COL22A1: variants seen among roughly 807,000 people sequenced by gnomAD.
COL22A1 encodes the protein collagen type XXII alpha 1 chain.
COL22A1 carries 221 observed loss-of-function variants against 248.9 expected under a neutral mutation model. The observed-to-expected ratio is 0.89, with a 90% confidence interval of 0.80 to 0.99. COL22A1 has a LOEUF of 0.99. Among genes scored for constraint, COL22A1 ranks in the 50% least tolerant of loss-of-function variants. COL22A1 has a pLI of 0.00. For synonymous variants in COL22A1, 891 were observed against 793.4 expected, an observed-to-expected ratio of 1.12 and a Z score of -2.07; for missense variants, 2,240 against 2,179.0, an observed-to-expected ratio of 1.03 and a Z score of -0.56.
At chr8:138,835,776 C>T (rs561124767) in intron 4 of COL22A1, among the ~76,000 whole-genome samples, 205 of 152,252 alleles carry the variant, frequency 1.3e-3, no homozygotes, top group Middle Eastern at 3.4e-3. Flanking sequence ...GCCTTGAGTA[C>T]GAGCCTCAAC....
chr8:138,851,141 G>A (rs543432920), intron 3 of COL22A1, among the ~76,000 whole-genome samples: 4 of 152,320 alleles, frequency 2.6e-5, no homozygotes, highest in African/African-American at 7.2e-5. Flanking sequence ...TGCCTGCAAC[G>A]TGATGGGGCT....
chr8:138,670,946 G>T (rs13268861), intron 41 of COL22A1, among the ~76,000 whole-genome samples: 8,063 of 117,224 alleles, frequency 0.069, 584 homozygotes, highest in African/African-American at 0.19. Flanking sequence ...GGGGGACAGA[G>T]CGAGACCTTG....
chr8:138,755,443 C>A (rs1010232341), intron 20 of COL22A1, 39 bp downstream of exon 20: 1 of 1,601,990 alleles, frequency 6.2e-7, no homozygotes, highest in Non-Finnish European at 8.6e-7. Flanking sequence ...TCTGCTGTGA[C>A]CTAAATCCCC....
rs1226201623 is a variant in COL22A1 at position 138,878,278 on chromosome 8, C to G, written c.130G>C (p.Asp44His). ...SVHYDLVFLLDTSSSVGKEDF... is the reference protein window; with the variant it reads ...SVHYDLVFLLHTSSSVGKEDF... ...TCCTTGCCCACGCTGGAGGAGGTGT[C>G]CAGGAGGAAGACCAGATCGTAGTGG... Residue 44 changes from aspartate to histidine, a missense_variant, in exon 3 of 65, where the codon GAC becomes CAC. By Grantham distance (81) the Asp-to-His change is moderately conservative. Transcript: ENST00000303045. 6.3e-7 allele frequency: 1 copy of G among 1,577,498 alleles called. No homozygotes were observed.
chr8:138,755,074 C>G, intron 21 of COL22A1, 83 bp downstream of exon 21: 1 of 1,382,822 alleles, frequency 7.2e-7, no homozygotes, highest in East Asian at 2.3e-5. Flanking sequence ...CCATGCTCAG[C>G]GCCGGGAATG....
chr8:138,876,760 T>C (rs1333162794), intron 3 of COL22A1, among the ~76,000 whole-genome samples: 1 of 152,090 alleles, frequency 6.6e-6, no homozygotes, highest in Non-Finnish European at 1.5e-5. Flanking sequence ...AAGCTTTCCC[T>C]GCCCCTGGCC....
intron 11 of COL22A1, among the ~76,000 whole-genome samples, chr8:138,798,578 T>C (rs1693787342): frequency 6.6e-6 from 1 of 152,138 alleles, no homozygotes; most frequent in Non-Finnish European, 1.5e-5. Flanking sequence ...TCCCTCTTTT[T>C]GTGCTATTAT....
intron 47 of COL22A1, among the ~76,000 whole-genome samples, chr8:138,637,382 T>G (rs1041894797): frequency 2.6e-5 from 4 of 152,140 alleles, no homozygotes; most frequent in Non-Finnish European, 4.4e-5. Flanking sequence ...CATACATAAG[T>G]TCCTTGCTCC....
intron 35 of COL22A1, among the ~76,000 whole-genome samples, chr8:138,692,897 A>G (rs1015308296): frequency 6.6e-6 from 1 of 152,156 alleles, no homozygotes; most frequent in African/African-American, 2.4e-5. Flanking sequence ...CAACCTGACC[A>G]TACGCATGGT....
chr8:138,632,564 CA>C (rs1300678787), intron 49 of COL22A1, among the ~76,000 whole-genome samples: 6 of 152,142 alleles, frequency 3.9e-5, no homozygotes, highest in African/African-American at 1.4e-4. Context: ...TTAATTGTTG[CA>C]TACTTTTATC....
At chr8:138,706,381 T>C (rs549531550) in intron 30 of COL22A1, among the ~76,000 whole-genome samples, 2 of 152,326 alleles carry the variant, frequency 1.3e-5, no homozygotes, top group South Asian at 4.1e-4. Context: ...GGCCACATAG[T>C]TGGAAGTAAA....
At chr8:138,641,177 T>C (rs1227903501) in intron 47 of COL22A1, among the ~76,000 whole-genome samples, 24 of 152,206 alleles carry the variant, frequency 1.6e-4, no homozygotes, top group Admixed American at 1.4e-3. Context: ...GGAAAGAACA[T>C]GGAGTAAGTG....
intron 59 of COL22A1, among the ~76,000 whole-genome samples, chr8:138,604,380 C>T (rs1219655096): frequency 6.6e-6 from 1 of 152,194 alleles, no homozygotes; most frequent in Non-Finnish European, 1.5e-5. Context: ...CAAGTGAGAG[C>T]AGGTGACAGA....
chr8:138,893,837 T>C (rs993778540), intron 1 of COL22A1, among the ~76,000 whole-genome samples: 2 of 152,218 alleles, frequency 1.3e-5, no homozygotes, highest in Admixed American at 6.5e-5. Context: ...TAAATGCTTA[T>C]ATTTCCATAT....
chr8:138,605,040 A>G, intron 58 of COL22A1, among the ~76,000 whole-genome samples: 1 of 152,144 alleles, frequency 6.6e-6, no homozygotes, highest in East Asian at 1.9e-4. Context: ...CCTCCAGGAT[A>G]TCGATTTTAC....
intron 12 of COL22A1, among the ~76,000 whole-genome samples, chr8:138,788,922 T>C (rs373071547): frequency 6.6e-6 from 1 of 152,222 alleles, no homozygotes; most frequent in African/African-American, 2.4e-5. Flanking sequence ...CAGGGCTAAG[T>C]AACTGACCCA....
chr8:138,763,947 C>T (rs987264613), intron 16 of COL22A1, among the ~76,000 whole-genome samples: 31 of 152,188 alleles, frequency 2.0e-4, no homozygotes, highest in African/African-American at 6.5e-4. Context: ...TTGGTTCTTC[C>T]GTTCCTGGAG....
chr8:138,909,955 C>A (rs1025272314), intron 1 of COL22A1, among the ~76,000 whole-genome samples: 2 of 152,140 alleles, frequency 1.3e-5, no homozygotes, highest in Admixed American at 6.5e-5. Context: ...TACATCATTG[C>A]CAAATGGGGG....
At chr8:138,734,735 T>C (rs953158034) in intron 23 of COL22A1, among the ~76,000 whole-genome samples, 6 of 152,236 alleles carry the variant, frequency 3.9e-5, no homozygotes, top group East Asian at 3.8e-4. Context: ...CGCATGTTTA[T>C]TGCAGCACTA....
Sources: gnomAD v4.1 joint callset for allele counts (sites outside exome capture counted in the v4.1 genomes callset) on GRCh38, gnomAD v4.1.1 for gene constraint, MANE v1.5 for transcripts, NCBI Gene and HGNC (gene_info 2026-07-23, HGNC 2026-07-21) for gene names.